Variants in LRRC4C observed in about 807,000 individuals in gnomAD.
LRRC4C encodes leucine rich repeat containing 4C.
Under a neutral mutation model 33.6 loss-of-function variants are expected in LRRC4C, and 5 were observed. The ratio of observed to expected loss-of-function variants is 0.15; its 90% CI spans 0.08 to 0.31. LRRC4C has a LOEUF of 0.31. Ranked by LOEUF, LRRC4C falls within the 10% of genes least tolerant of loss-of-function variation. The probability of loss-of-function intolerance (pLI) is 1.00; values close to 1 mark genes in which losing one functional copy is unlikely to be tolerated. For synonymous variants in LRRC4C, 329 were observed against 302.0 expected (o/e 1.09, Z -0.93); for missense variants, 560 against 796.7 (o/e 0.70, Z 3.58).
In LRRC4C at chr11:40,333,674, G is replaced by A. The variant is rs113633400; in HGVS notation, c.-269-13953C>T. ...GGAGGTTGCAGTGAGCTGACATGGCGCCATTGCACTCCAGCCAGTGGGACA... is the reference window on the plus strand; with the variant it reads ...GGAGGTTGCAGTGAGCTGACATGGCACCATTGCACTCCAGCCAGTGGGACA... On this transcript the variant is annotated intron_variant, in intron 3 of 6. Transcript: ENST00000528697. Among the ~76,000 whole-genome samples, 543 of 142,488 alleles carry A rather than the reference G, an allele frequency of 3.8e-3. 6 individuals are homozygous for A. The highest frequency in any genetic ancestry group is 0.014 in the African/African-American group (519 of 37,540). The allele number at this position is 142,488 out of a possible 152,430, so 93.5% of individuals were successfully genotyped here.
intron 2 of LRRC4C, among the ~76,000 whole-genome samples, chr11:40,704,741 C>T (rs982999609): frequency 1.3e-5 from 2 of 152,058 alleles, no homozygotes; most frequent in Non-Finnish European, 2.9e-5. Context: ...AGGCTAGTGC[C>T]TGATATGATA....
At chr11:41,435,181 A>G (rs559538982) in intron 1 of LRRC4C, among the ~76,000 whole-genome samples, 1 of 152,314 alleles carries the variant, frequency 6.6e-6, no homozygotes, top group Non-Finnish European at 1.5e-5. Context: ...ACAGAGCTGC[A>G]GGATTGAAGA....
chr11:40,762,042 G>A (rs911902958), intron 2 of LRRC4C, among the ~76,000 whole-genome samples: 2 of 152,096 alleles, frequency 1.3e-5, no homozygotes, highest in African/African-American at 4.8e-5. Flanking sequence ...CACTGTCATT[G>A]CCAGACTTCT....
intron 1 of LRRC4C, among the ~76,000 whole-genome samples, chr11:41,206,805 A>G (rs1358446277): frequency 1.3e-5 from 2 of 152,172 alleles, no homozygotes; most frequent in Admixed American, 6.5e-5. Context: ...TATAATCTCA[A>G]TCCTCATAAC....
chr11:40,815,783 C>T (rs1338631627), intron 2 of LRRC4C, among the ~76,000 whole-genome samples: 12 of 152,172 alleles, frequency 7.9e-5, no homozygotes, highest in Admixed American at 6.5e-4. Flanking sequence ...TAGTCCAACT[C>T]GTTGTCACAT....
chr11:41,431,634 T>A (rs113487485), intron 1 of LRRC4C, among the ~76,000 whole-genome samples: 1 of 119,322 alleles, frequency 8.4e-6, no homozygotes, highest in Non-Finnish European at 2.0e-5. Flanking sequence ...TTTCTAAGAG[T>A]GTGTGTGTGT....
At chr11:41,438,667 A>C (rs889191764) in intron 1 of LRRC4C, among the ~76,000 whole-genome samples, 1 of 152,202 alleles carries the variant, frequency 6.6e-6, no homozygotes, top group African/African-American at 2.4e-5. Context: ...ACCAATTAGC[A>C]TACCACTGAA....
At chr11:41,383,651 A>T (rs770083514) in intron 1 of LRRC4C, among the ~76,000 whole-genome samples, 18 of 152,022 alleles carry the variant, frequency 1.2e-4, no homozygotes, top group Non-Finnish European at 1.8e-4. Context: ...ATTTGAAAGA[A>T]ACAACAGAAA....
intron 1 of LRRC4C, among the ~76,000 whole-genome samples, chr11:41,154,360 G>C (rs2135984430): frequency 6.6e-6 from 1 of 152,068 alleles, no homozygotes; most frequent in East Asian, 1.9e-4. Context: ...TACCACCTCT[G>C]TTTCTTCATA....
chr11:40,651,629 A>T (rs763992569), intron 2 of LRRC4C, among the ~76,000 whole-genome samples: 1 of 152,228 alleles, frequency 6.6e-6, no homozygotes, highest in Non-Finnish European at 1.5e-5. Flanking sequence ...GCATCAATGG[A>T]AAACTATACG....
intron 3 of LRRC4C, among the ~76,000 whole-genome samples, chr11:40,543,647 T>C (rs1325173097): frequency 6.6e-6 from 1 of 152,052 alleles, no homozygotes; most frequent in Non-Finnish European, 1.5e-5. Context: ...AAAAATAATA[T>C]AGAGTTTCTT....
At chr11:40,420,766 G>A (rs1264896708) in intron 3 of LRRC4C, among the ~76,000 whole-genome samples, 1 of 152,144 alleles carries the variant, frequency 6.6e-6, no homozygotes, top group Non-Finnish European at 1.5e-5. Context: ...AGAATTTTGA[G>A]CCAGGCTGTT....
intron 1 of LRRC4C, among the ~76,000 whole-genome samples, chr11:41,239,312 A>G (rs184208322): frequency 0.013 from 1,214 of 94,062 alleles, 7 homozygotes; most frequent in Non-Finnish European, 0.018. Context: ...ACAGAGCAAG[A>G]CTCTGTCTCA....
chr11:40,676,848 C>T (rs942834380), intron 2 of LRRC4C, among the ~76,000 whole-genome samples: 1 of 152,058 alleles, frequency 6.6e-6, no homozygotes, highest in African/African-American at 2.4e-5. Context: ...CCTGTTAATC[C>T]TAAAAACATT....
chr11:41,037,237 G>A (rs2137913189), intron 1 of LRRC4C, among the ~76,000 whole-genome samples: 1 of 150,348 alleles, frequency 6.7e-6, no homozygotes, highest in South Asian at 2.1e-4. Context: ...ATTCATGGTT[G>A]TCACTTGATT....
At chr11:40,367,644 C>T (rs1948269385) in intron 3 of LRRC4C, among the ~76,000 whole-genome samples, 2 of 152,128 alleles carry the variant, frequency 1.3e-5, no homozygotes, top group African/African-American at 2.4e-5. Flanking sequence ...AGTCATGGAC[C>T]TGCTTTTTTG....
intron 1 of LRRC4C, among the ~76,000 whole-genome samples, chr11:41,378,932 T>G (rs78827628): frequency 1.3e-5 from 2 of 151,854 alleles, no homozygotes; most frequent in Admixed American, 6.6e-5. Flanking sequence ...TTTTTTTTTT[T>G]GTCTGTTTTT....
chr11:40,896,212 G>A (rs769033582), intron 2 of LRRC4C, among the ~76,000 whole-genome samples: 2 of 152,094 alleles, frequency 1.3e-5, no homozygotes, highest in Non-Finnish European at 2.9e-5. Context: ...GCTCAGCATA[G>A]ACCATACCCT....
chr11:40,354,885 C>T (rs893567903), intron 3 of LRRC4C, among the ~76,000 whole-genome samples: 1 of 152,258 alleles, frequency 6.6e-6, no homozygotes, highest in East Asian at 1.9e-4. Context: ...ACTCTTCCCC[C>T]TCCTTTCTGC....
Sources: gnomAD v4.1 joint callset for allele counts (sites outside exome capture counted in the v4.1 genomes callset) on GRCh38, gnomAD v4.1.1 for gene constraint, MANE v1.5 for transcripts, NCBI Gene and HGNC (gene_info 2026-07-23, HGNC 2026-07-21) for gene names.